The following TRIM66 variants were observed in gnomAD, a reference collection of about 807,000 sequenced individuals.
TRIM66 encodes the protein tripartite motif-containing protein 66.
In TRIM66, 99 loss-of-function variants were observed where a neutral mutation model predicts 148.2. The ratio of observed to expected loss-of-function variants is 0.67; its 90% CI spans 0.57 to 0.79. The LOEUF (loss-of-function observed/expected upper bound fraction) is 0.79, where lower values mean the gene tolerates loss of function less well. Ranked by LOEUF, TRIM66 falls within the 30% of genes least tolerant of loss-of-function variation. TRIM66 has a pLI of 0.00. For missense variants in TRIM66, 1,666 were observed against 1,697.9 expected, an observed-to-expected ratio of 0.98 and a Z score of 0.33; for synonymous variants, 616 against 635.9, an observed-to-expected ratio of 0.97 and a Z score of 0.47.
chr11:8,621,989 G>A (rs963063891), intron 18 of TRIM66, among the ~76,000 whole-genome samples, 170 bp from the exon 19 acceptor site: 5 of 152,066 alleles, frequency 3.3e-5, no homozygotes, highest in African/African-American at 4.8e-5. Context: ...ACTGCCAAAG[G>A]AGATTAACAT....
chr11:8,670,013 A>AT (rs1319897173), intron 6 of TRIM66, among the ~76,000 whole-genome samples: 1,121 of 105,566 alleles, frequency 0.011, 23 homozygotes, highest in African/African-American at 0.033. Context: ...TTTTGTTTTT[A>AT]TTTATTTTTT....
chr11:8,652,494 C>A (rs1251166954), intron 6 of TRIM66, among the ~76,000 whole-genome samples: 1 of 152,156 alleles, frequency 6.6e-6, no homozygotes, highest in Admixed American at 6.5e-5. Context: ...AGGGCTCTCT[C>A]CCCATAGACC....
intron 15 of TRIM66, among the ~76,000 whole-genome samples, chr11:8,626,308 G>C (rs148220676): frequency 6.6e-6 from 1 of 152,288 alleles, no homozygotes; most frequent in East Asian, 1.9e-4. Flanking sequence ...ATCTATCTAA[G>C]TTTCCAAAAT....
chr11:8,628,123 C>T (rs1378594352), intron 15 of TRIM66, among the ~76,000 whole-genome samples: 3 of 152,128 alleles, frequency 2.0e-5, no homozygotes, highest in Non-Finnish European at 4.4e-5. Context: ...TGAACCACCA[C>T]GCCCATCCTG....
intron 15 of TRIM66, among the ~76,000 whole-genome samples, chr11:8,636,067 G>A (rs1306643784): frequency 6.6e-6 from 1 of 151,534 alleles, no homozygotes; most frequent in Non-Finnish European, 1.5e-5. Flanking sequence ...TCATTCCTGG[G>A]CCTATTGTAG....
At position 8,618,807 on chromosome 11, in the gene TRIM66, G is replaced by C. The variant is rs906956052; in HGVS notation, c.4062C>G (p.Phe1354Leu). The change falls in exon 24 of 25, where the codon TTC becomes TTG. Residue 1354 changes from phenylalanine to leucine, a missense_variant. Physicochemically the swap from Phe to Leu is conservative, Grantham distance 22 (BLOSUM62 0). Coordinates refer to ENST00000646038, the MANE Select transcript of TRIM66 (RefSeq NM_001388022.1). ...SESGCSTPQG[F>L]PWPPYMQEGI... Reference sequence around the variant, plus strand: ...CCTCCTGCATGTAGGGAGGCCACGGGAAGCCCTGGGGAGTGGAACATCCAC... The same window carrying C: ...CCTCCTGCATGTAGGGAGGCCACGGCAAGCCCTGGGGAGTGGAACATCCAC... 4.5e-6 allele frequency: 7 copies of C among 1,551,242 alleles called. No individual in the cohort carries two copies. The Admixed American group carries it at 1.2e-4, about 26-fold the overall frequency.
chr11:8,642,967 C>A, intron 13 of TRIM66, 42 bp downstream of exon 13: 1 of 1,446,144 alleles, frequency 6.9e-7, no homozygotes. Context: ...TAAGTCAAAG[C>A]CCACAGGGTG....
chr11:8,675,444 G>A (rs187535616), intron 3 of TRIM66, among the ~76,000 whole-genome samples: 22 of 152,276 alleles, frequency 1.4e-4, no homozygotes, highest in Non-Finnish European at 2.8e-4. Flanking sequence ...GTACAATGGC[G>A]TGATCTTGGC....
rs150269400 is a variant in TRIM66, at chr11:8,622,339, A to AACACACACACACACAC, written c.3080+461_3080+476dup. On this transcript the variant is annotated intron_variant, in intron 18 of 24. Coordinates refer to ENST00000646038, the MANE Select transcript of TRIM66 (RefSeq NM_001388022.1). The stretch of plus-strand genomic sequence containing the variant: ...TATATATGGAAGTACACACACACAC[A>AACACACACACACACAC]ACACACACACACACACACACACACA... Among the ~76,000 whole-genome samples, 352 of 70,790 alleles carry AACACACACACACACAC rather than the reference A, an allele frequency of 5.0e-3. 8 individuals carry two copies. Among genetic ancestry groups the AACACACACACACACAC allele is most frequent in the Middle Eastern group, 0.016 (2 of 124 alleles). The allele number at this position is 70,790 out of a possible 152,430, so 46.4% of individuals were successfully genotyped here. A position where few individuals can be genotyped will look rare whatever the true frequency, so the allele number is the denominator to read the frequency against.
At chr11:8,659,806 T>C (rs1285011336) in intron 6 of TRIM66, among the ~76,000 whole-genome samples, 1 of 152,212 alleles carries the variant, frequency 6.6e-6, no homozygotes, top group East Asian at 1.9e-4. Flanking sequence ...CAGCAGGTCT[T>C]CCTGTATCCA....
intron 12 of TRIM66, 77 bp downstream of exon 12, chr11:8,645,664 C>A: frequency 6.6e-7 from 1 of 1,519,806 alleles, no homozygotes. Context: ...CCAAGGACTG[C>A]CTCATTGCCC....
rs1447264068 is a variant in TRIM66, at chr11:8,618,367, CTT to C, written c.4120-366_4120-365del. ...CCAAGGGGCTAAGAAAGATCCCTTC[CTT>C]TCTCTCTCAAACCCAAATAGAAACC... On this transcript the variant is annotated intron_variant, in intron 24 of 24. Transcript: ENST00000646038. Among the ~76,000 whole-genome samples, 3 of 152,212 alleles carry C rather than the reference CTT, an allele frequency of 2.0e-5. No individual in the cohort carries two copies. The East Asian group carries it at 5.8e-4, about 29-fold the overall frequency.
At chr11:8,649,692 G>T in intron 8 of TRIM66, 48 bp downstream of exon 8, 1 of 1,543,020 alleles carries the variant, frequency 6.5e-7, no homozygotes, top group Non-Finnish European at 8.8e-7. Flanking sequence ...TTAGGGTTCA[G>T]CCCTGCTTTA....
chr11:8,632,713 G>A (rs762832779), intron 15 of TRIM66, among the ~76,000 whole-genome samples: 2 of 151,988 alleles, frequency 1.3e-5, no homozygotes, highest in Non-Finnish European at 2.9e-5. Context: ...CACTTGCCTC[G>A]GCCTTCCAAA....
intron 6 of TRIM66, among the ~76,000 whole-genome samples, chr11:8,653,203 C>A (rs1397504325): frequency 1.3e-5 from 2 of 152,206 alleles, no homozygotes; most frequent in Admixed American, 1.3e-4. Context: ...CCCTTGCAAT[C>A]CTACCATCAA....
chr11:8,670,337 T>C (rs1438819490), intron 6 of TRIM66, among the ~76,000 whole-genome samples: 2 of 152,068 alleles, frequency 1.3e-5, no homozygotes, highest in Non-Finnish European at 2.9e-5. Context: ...TGACCCTCAC[T>C]CTCCTTCCAC....
chr11:8,683,105 G>T (rs935162148), upstream of TRIM66: 1 of 1,299,182 alleles, frequency 7.7e-7, no homozygotes, highest in Non-Finnish European at 1.1e-6. Flanking sequence ...CAGAAGTTAG[G>T]TCTTTGACCC....
chr11:8,682,628 T>TCCGTGATGGGGATCC lies in TRIM66; in HGVS notation c.-576_-575insGGATCCCCATCACGG, dbSNP rs1555081511. 6 of 678,856 alleles carry TCCGTGATGGGGATCC rather than the reference T, an allele frequency of 8.8e-6. No individual in the cohort carries two copies. The African/African-American group carries it at 1.1e-4, about 12-fold the overall frequency. 42.1% of individuals were successfully genotyped at this position (678,856 alleles called of 1,614,324 possible). ...AAACCGTACACCGCCACCAGGACAC[T>TCCGTGATGGGGATCC]CCGTGATGGGGGATCACCACCCTCA... On this transcript the variant is annotated 5_prime_UTR_variant, in exon 1 of 25. Coordinates refer to ENST00000646038, the MANE Select transcript of TRIM66 (RefSeq NM_001388022.1).
In TRIM66 at chr11:8,647,965, G is replaced by T. The variant is rs925517338; in HGVS notation, c.842+5C>A. ...CAGCACTGGCAAGGCACTAGCCTGT[G>T]CTACCTGTCCTCAATTTGCTTTGCA... is the stretch of plus-strand genomic sequence containing the variant. On this transcript the variant is annotated splice_donor_5th_base_variant and intron_variant, in intron 10 of 24. Coordinates refer to ENST00000646038, the MANE Select transcript of TRIM66 (RefSeq NM_001388022.1). 1.3e-6 allele frequency: 2 copies of T among 1,549,498 alleles called. No individual in the cohort carries two copies. Among genetic ancestry groups the T allele is most frequent in the African/African-American group, 2.7e-5 (2 of 73,010 alleles).
Sources: allele counts gnomAD v4.1 joint callset (sites outside exome capture counted in the v4.1 genomes callset), GRCh38; gene constraint gnomAD v4.1.1; transcripts MANE v1.5; gene names NCBI Gene and HGNC (gene_info 2026-07-23, HGNC 2026-07-21).